TRIM7: variants seen among roughly 807,000 people sequenced by gnomAD.
TRIM7 encodes E3 ubiquitin-protein ligase TRIM7.
TRIM7 carries 32 observed loss-of-function variants against 37.9 expected under a neutral mutation model. The observed-to-expected ratio is 0.84, with a 90% CI of 0.64 to 1.13. The LOEUF (loss-of-function observed/expected upper bound fraction) is 1.13, where lower values mean the gene tolerates loss of function less well. Among genes scored for constraint, TRIM7 ranks in the 50% most tolerant of loss-of-function variants. TRIM7 has a pLI of 0.00. For missense variants in TRIM7, 732 were observed against 714.0 expected, an observed-to-expected ratio of 1.03 and a Z score of -0.29; for synonymous variants, 351 against 321.3, an observed-to-expected ratio of 1.09 and a Z score of -0.99.
At chr5:181,204,520 G>C in intron 1 of TRIM7, 69 bp downstream of exon 1, 3 of 1,302,632 alleles carry the variant, frequency 2.3e-6, no homozygotes, top group African/African-American at 3.2e-5. Flanking sequence ...TCTGCACCCC[G>C]TGCGCGGGAG....
At chr5:181,196,810 G>A (rs1454334808) in intron 6 of TRIM7, 1 of 152,226 alleles carries the variant, frequency 6.6e-6, no homozygotes, top group African/African-American at 2.4e-5. Flanking sequence ...AGATGGGTAT[G>A]TAACATTCTT....
At chr5:181,198,665 C>G in intron 5 of TRIM7, 25 bp downstream of exon 5, 1 of 1,558,448 alleles carries the variant, frequency 6.4e-7, no homozygotes, top group Non-Finnish European at 8.9e-7. Context: ...CACTATGTGG[C>G]CCAGCTTGGC....
At position 181,203,578 on chromosome 5, in the gene TRIM7, C is replaced by T; in HGVS notation, c.585G>A (p.Arg195=). The part of the protein sequence containing the change: ...KKELEDCEVF[R]STEKKESKEL... ...CCTTGCTCTCCTTCTTTTCCGTGGA[C>T]CGGAACACCTCACAGTCCTCCAGTT... Residue 195 remains arginine, a synonymous_variant, in exon 2 of 7, where the codon CGG becomes CGA. Coordinates refer to ENST00000274773, the MANE Select transcript of TRIM7 (RefSeq NM_203293.3). 1.2e-6 allele frequency: 2 copies of T among 1,614,120 alleles called. No individual in the cohort carries two copies. Among genetic ancestry groups the T allele is most frequent in the Non-Finnish European group, 1.7e-6 (2 of 1,180,012 alleles).
intron 2 of TRIM7, chr5:181,202,522 G>C (rs1757554217): frequency 6.6e-6 from 1 of 150,402 alleles, no homozygotes; most frequent in Non-Finnish European, 1.5e-5. Context: ...GCTAGGAACT[G>C]AATTTGCAAG....
intron 2 of TRIM7, chr5:181,200,997 C>T (rs1757452313): frequency 2.4e-6 from 2 of 842,110 alleles, no homozygotes; most frequent in South Asian, 5.5e-5. Context: ...GGAGGGTGCA[C>T]TTCCCTTCAA....
At chr5:181,197,863 G>A in intron 6 of TRIM7, 1 of 426,716 alleles carries the variant, frequency 2.3e-6, no homozygotes, top group South Asian at 3.0e-5. Flanking sequence ...ATTCCCAGGA[G>A]AGGTTTCCAT....
At chr5:181,203,310 C>G (rs1486425740) in intron 2 of TRIM7, 2 of 1,330,700 alleles carry the variant, frequency 1.5e-6, no homozygotes, top group African/African-American at 3.0e-5. Context: ...TGGGACAGCT[C>G]CAGTTTAAGC....
rs548719872 is a variant in TRIM7, at chr5:181,204,770, C to T, written c.341G>A (p.Gly114Glu). Residue 114 changes from glycine to glutamate, a missense_variant, in exon 1 of 7, where the codon GGA (glycine) becomes GAA (glutamate). Physicochemically the swap from Gly to Glu is moderately conservative, Grantham distance 98. Coordinates refer to ENST00000274773, the MANE Select transcript of TRIM7 (RefSeq NM_203293.3). ...CGCGGCCGCCTGAGACCCGTGCTCT[C>T]CCGGGGCAGCCGCGGGCAGGCTGAA... ...RRFSLPAAAP[G>E]EHGSQAAAAR... 2 of 1,439,062 alleles carry T rather than the reference C, an allele frequency of 1.4e-6. No homozygotes were observed. Among genetic ancestry groups the T allele is most frequent in the Admixed American group, 2.8e-5 (1 of 35,720 alleles). The allele number at this position is 1,439,062 out of a possible 1,614,324, so 89.1% of individuals were successfully genotyped here. A position where few individuals can be genotyped will look rare whatever the true frequency, so the allele number is the denominator to read the frequency against.
intron 6 of TRIM7, 32 bp from the exon 7 acceptor site, chr5:181,195,709 C>A: frequency 6.6e-7 from 1 of 1,507,178 alleles, no homozygotes; most frequent in Non-Finnish European, 8.9e-7. Context: ...AATGTCCCCA[C>A]GCAGCCAGGC....
chr5:181,201,307 A>G (rs1420582128), intron 2 of TRIM7, among the ~76,000 whole-genome samples: 1 of 152,234 alleles, frequency 6.6e-6, no homozygotes, highest in Non-Finnish European at 1.5e-5. Context: ...AGACTTTGCC[A>G]GATGTCCCCT....
chr5:181,195,468 C>T lies in TRIM7; in HGVS notation c.1234G>A (p.Gly412Ser). The change falls in exon 7 of 7, where the codon GGC (glycine) becomes AGC (serine). Residue 412 changes from glycine to serine, a missense_variant. Physicochemically the swap from Gly to Ser is moderately conservative, Grantham distance 56 (BLOSUM62 0). Transcript: ENST00000274773. ...EVGSKDGWAF[G>S]VARESVRRKG... ...CGGCGCACGCTCTCGCGGGCCACGC[C>T]AAAGGCCCAGCCGTCCTTAGAGCCC... is the stretch of plus-strand genomic sequence containing the variant. 6.2e-7 allele frequency: 1 copy of T among 1,612,148 alleles called. No homozygotes were observed.
chr5:181,194,978 A>T lies in TRIM7; in HGVS notation c.*188T>A. 1.5e-6 allele frequency: 1 copy of T among 651,384 alleles called. No homozygotes were observed. Among genetic ancestry groups the T allele is most frequent in the Non-Finnish European group, 2.5e-6 (1 of 393,492 alleles). The allele number at this position is 651,384 out of a possible 1,614,324, so 40.4% of individuals were successfully genotyped here. On this transcript the variant is annotated 3_prime_UTR_variant, in exon 7 of 7. Coordinates refer to ENST00000274773, the MANE Select transcript of TRIM7 (RefSeq NM_203293.3). ...GAAGGGAACACCCTCAGGAGTCCAA[A>T]GCCCCTGTTCCCCTGCTCGGTTGGC...
In TRIM7 at chr5:181,198,674, G is replaced by T. The variant is rs781711703; in HGVS notation, c.988+16C>A. 1 of 1,589,264 alleles carries T rather than the reference G, an allele frequency of 6.3e-7. No individual in the cohort carries two copies. The highest frequency in any genetic ancestry group is 8.6e-7 in the Non-Finnish European group (1 of 1,157,502). ...CCACCGCACTATGTGGCCCAGCTTG[G>T]CGCCCAGGCCCCTACCTTTGAACTT... is the stretch of plus-strand genomic sequence containing the variant. On this transcript the variant is annotated intron_variant, in intron 5 of 6. Transcript: ENST00000274773.
At chr5:181,199,055 A>AG in intron 4 of TRIM7, 40 bp downstream of exon 4, 1 of 1,613,630 alleles carries the variant, frequency 6.2e-7, no homozygotes, top group Non-Finnish European at 8.5e-7. Flanking sequence ...AAAGGGAAGA[A>AG]GCAACTTAGA....
At position 181,200,524 on chromosome 5, in the gene TRIM7, C is replaced by T. The variant is rs1757417925; in HGVS notation, c.619-443G>A. ...TACACTTCACTTTCTTTTTAAAGGC[C>T]ATCTTTCCTGTTTAGCAGTTATAAT... On this transcript the variant is annotated intron_variant, in intron 2 of 6. Transcript: ENST00000274773. 7 of 1,055,686 alleles carry T rather than the reference C, an allele frequency of 6.6e-6. No individual in the cohort carries two copies. The South Asian group carries it at 2.6e-4, about 38-fold the overall frequency. The allele number at this position is 1,055,686 out of a possible 1,614,324, so 65.4% of individuals were successfully genotyped here.
chr5:181,199,198 G>C (rs1471118557), intron 3 of TRIM7, 81 bp from the exon 4 acceptor site: 14 of 1,532,718 alleles, frequency 9.1e-6, no homozygotes, highest in Admixed American at 3.3e-5. Context: ...GCCCCTTGCT[G>C]TGCCTCCCAG....
At chr5:181,198,136 T>G in intron 6 of TRIM7, 47 bp downstream of exon 6, 2 of 1,608,466 alleles carry the variant, frequency 1.2e-6, no homozygotes, top group Non-Finnish European at 1.7e-6. Flanking sequence ...GAGTAGGATC[T>G]CTGTGTGGCA....
Position 181,198,774 on chromosome 5 carries a change from TG to T in TRIM7, c.903del (p.Thr302GlnfsTer6), listed in dbSNP as rs1342529795. On this transcript the variant is annotated frameshift_variant, in exon 5 of 7. Transcript: ENST00000274773. LOFTEE classifies it high-confidence loss of function. ...RCSNVPGPKP[T>X]TVSSEMKNKV... ...TTATTCTTCATCTCAGAAGAGACTG[TG>T]GTTGGCTTGGGGCCAGGCACATTGC... 1 of 1,613,948 alleles carries T rather than the reference TG, an allele frequency of 6.2e-7. No homozygotes were observed. The highest frequency in any genetic ancestry group is 1.7e-5 in the Admixed American group (1 of 59,978).
chr5:181,195,117 A>T lies in TRIM7; in HGVS notation c.*49T>A, dbSNP rs1043948496. ...GACCAGGCATCTCTGGGGAGGCGAC[A>T]TCCCCTCCCACCGGCAGCCCAGAGA... is the stretch of plus-strand genomic sequence containing the variant. On this transcript the variant is annotated 3_prime_UTR_variant, in exon 7 of 7. Transcript: ENST00000274773. The T allele has an allele frequency of 6.5e-7, 1 of 1,546,542 alleles. No homozygotes were observed. The highest frequency in any genetic ancestry group is 2.3e-5 in the East Asian group (1 of 44,214).
Sources: allele counts gnomAD v4.1 joint callset (sites outside exome capture counted in the v4.1 genomes callset), GRCh38; gene constraint gnomAD v4.1.1; transcripts MANE v1.5; gene names NCBI Gene and HGNC (gene_info 2026-07-23, HGNC 2026-07-21).